SLC5A4: variants seen among roughly 807,000 people sequenced by gnomAD.
SLC5A4 encodes solute carrier family 5 member 4, also known as probable glucose sensor protein SLC5A4.
A neutral mutation model predicts 70.3 loss-of-function variants in SLC5A4; 55 were observed. The ratio of observed to expected loss-of-function variants is 0.78; its 90% CI spans 0.63 to 0.98. The LOEUF (loss-of-function observed/expected upper bound fraction) is 0.98, where lower values mean the gene tolerates loss of function less well. Ranked by LOEUF, SLC5A4 falls within the 50% of genes least tolerant of loss-of-function variation. The pLI, the probability that SLC5A4 is intolerant of heterozygous loss-of-function variation, is 0.00. For missense variants in SLC5A4, 735 were observed against 839.2 expected, an observed-to-expected ratio of 0.88 and a Z score of 1.53; for synonymous variants, 268 against 305.7, an observed-to-expected ratio of 0.88 and a Z score of 1.29.
At chr22:32,272,055 A>T in the SLC5A4 span, 11 of 642,228 alleles carry the variant, frequency 1.7e-5, no homozygotes, top group East Asian at 2.7e-4. Flanking sequence ...CTGGGAGGCT[A>T]TTCCCAATGC....
chr22:32,244,727 A>G (rs79455267), intron 5 of SLC5A4, among the ~76,000 whole-genome samples: 2,145 of 152,132 alleles, frequency 0.014, 19 homozygotes, highest in South Asian at 0.026. Flanking sequence ...TAAGGGTCTC[A>G]CTATTTAGCC....
the SLC5A4 span, chr22:32,355,023 T>C: frequency 6.6e-6 from 1 of 152,058 alleles, no homozygotes; most frequent in African/African-American, 2.4e-5. Context: ...AAGCCAGTAC[T>C]AACCAGCTAC....
At chr22:32,284,400 A>G in the SLC5A4 span, among the ~76,000 whole-genome samples, 290 of 152,314 alleles carry the variant, frequency 1.9e-3, 2 homozygotes, top group African/African-American at 6.7e-3. Context: ...TGTGGGTTGC[A>G]CATGTGGTGT....
At chr22:32,335,850 C>T in the SLC5A4 span, among the ~76,000 whole-genome samples, 1 of 152,196 alleles carries the variant, frequency 6.6e-6, no homozygotes, top group Non-Finnish European at 1.5e-5. Context: ...ACAGGAAGTC[C>T]GATCTGGACG....
chr22:32,354,211 C>T, the SLC5A4 span, among the ~76,000 whole-genome samples: 2 of 135,258 alleles, frequency 1.5e-5, no homozygotes, highest in Non-Finnish European at 3.2e-5. Flanking sequence ...TCTACACGGG[C>T]AGTCTGGCCC....
At chr22:32,318,289 G>A in the SLC5A4 span, among the ~76,000 whole-genome samples, 8 of 151,638 alleles carry the variant, frequency 5.3e-5, no homozygotes, top group South Asian at 8.3e-4. Flanking sequence ...CTGGAGATAC[G>A]CTGATGACTT....
At chr22:32,352,850 C>T in the SLC5A4 span, among the ~76,000 whole-genome samples, 5 of 152,232 alleles carry the variant, frequency 3.3e-5, no homozygotes, top group African/African-American at 9.6e-5. Flanking sequence ...CTCTGGTGCT[C>T]TTCAGTTTTC....
In SLC5A4 at chr22:32,235,074, A is replaced by G; in HGVS notation, c.684T>C (p.Gly228=). Residue 228 remains glycine (G), a synonymous_variant, in exon 8 of 15, where the codon GGT becomes GGC. Transcript: ENST00000266086. ...LMGFAFNEVG[G]YESFTEKYVN... is the part of the protein sequence containing the mutation. ...CGTACTTCTCGGTAAAGCTCTCATA[A>G]CCTCCAACTTCGTTAAATGCTAAAA... The G allele has an allele frequency of 2.5e-6, 4 of 1,613,332 alleles. No individual in the cohort carries two copies. Among genetic ancestry groups the G allele is most frequent in the Non-Finnish European group, 3.4e-6 (4 of 1,179,674 alleles).
At chr22:32,339,156 G>C in the SLC5A4 span, among the ~76,000 whole-genome samples, 14 of 152,324 alleles carry the variant, frequency 9.2e-5, no homozygotes, top group African/African-American at 2.9e-4. Flanking sequence ...CGCAAAAGCA[G>C]GTGTGCATTA....
the SLC5A4 span, among the ~76,000 whole-genome samples, chr22:32,305,411 A>C: frequency 2.0e-5 from 3 of 147,038 alleles, no homozygotes; most frequent in African/African-American, 7.6e-5. Flanking sequence ...GGAAAGATAT[A>C]TTTAACAAAT....
At chr22:32,323,398 CCT>C in the SLC5A4 span, among the ~76,000 whole-genome samples, 2 of 152,328 alleles carry the variant, frequency 1.3e-5, no homozygotes, top group African/African-American at 4.8e-5. Flanking sequence ...TTCTACCAGA[CCT>C]CTCTCTGTTC....
the SLC5A4 span, among the ~76,000 whole-genome samples, chr22:32,305,287 C>A: frequency 1.1e-4 from 16 of 152,106 alleles, 1 homozygote; most frequent in East Asian, 3.1e-3. Flanking sequence ...TGTGAAGACA[C>A]GTGTCTGACT....
intron 12 of SLC5A4, among the ~76,000 whole-genome samples, chr22:32,225,282 C>A (rs2294206): frequency 0.55 from 84,055 of 152,052 alleles, 26,333 homozygotes; most frequent in African/African-American, 0.86. Context: ...TAATACTCAC[C>A]ACAATCCCAT....
the SLC5A4 span, among the ~76,000 whole-genome samples, chr22:32,292,180 T>C: frequency 2.2e-5 from 1 of 44,468 alleles, no homozygotes; most frequent in East Asian, 4.2e-4. Flanking sequence ...TACTAGATAT[T>C]ATATATAATA....
At chr22:32,349,984 G>A in the SLC5A4 span, among the ~76,000 whole-genome samples, 3 of 151,790 alleles carry the variant, frequency 2.0e-5, no homozygotes, top group Admixed American at 1.3e-4. Context: ...TCTGATGCCC[G>A]CCCTCAACAA....
chr22:32,349,447 T>G, the SLC5A4 span, among the ~76,000 whole-genome samples: 3 of 152,196 alleles, frequency 2.0e-5, no homozygotes, highest in Non-Finnish European at 4.4e-5. Flanking sequence ...GGGCCTTACA[T>G]AGAAATCTAA....
the SLC5A4 span, among the ~76,000 whole-genome samples, chr22:32,319,229 G>A: frequency 1.3e-5 from 2 of 150,636 alleles, no homozygotes; most frequent in Non-Finnish European, 3.0e-5. Flanking sequence ...TCAGGTCCTC[G>A]ACTCACACTG....
At chr22:32,344,244 T>C in the SLC5A4 span, among the ~76,000 whole-genome samples, 1 of 152,180 alleles carries the variant, frequency 6.6e-6, no homozygotes, top group East Asian at 1.9e-4. Flanking sequence ...TGAGCCACAT[T>C]TGCCTCAGTT....
the SLC5A4 span, among the ~76,000 whole-genome samples, chr22:32,291,856 ATAATT>A: frequency 1.7e-4 from 7 of 40,038 alleles, no homozygotes; most frequent in Non-Finnish European, 5.6e-5. Context: ...ATGTATATAT[ATAATT>A]TATTTTTCTT....
Sources: allele counts gnomAD v4.1 joint callset (sites outside exome capture counted in the v4.1 genomes callset), GRCh38; gene constraint gnomAD v4.1.1; transcripts MANE v1.5; gene names NCBI Gene and HGNC (gene_info 2026-07-23, HGNC 2026-07-21).